FHIT: variants seen among roughly 807,000 people sequenced by gnomAD.
FHIT encodes fragile histidine triad diadenosine triphosphatase.
A neutral mutation model predicts 17.9 loss-of-function variants in FHIT; 19 were observed. That is an observed-to-expected ratio of 1.06 (90% CI 0.74 to 1.56). FHIT has a LOEUF of 1.56. FHIT is among the 40% of genes most tolerant of loss of function. The pLI is 0.00. For missense variants in FHIT, 248 were observed against 189.2 expected (o/e 1.31, Z -1.82); for synonymous variants, 81 against 69.7 (o/e 1.16, Z -0.81).
intron 2 of FHIT, among the ~76,000 whole-genome samples, chr3:61,193,626 A>G (rs2038776867): frequency 6.6e-6 from 1 of 152,252 alleles, no homozygotes; most frequent in South Asian, 2.1e-4. Flanking sequence ...CCAGTTATGC[A>G]TGTATGCATG....
chr3:60,807,164 T>G (rs1553734537), intron 4 of FHIT, among the ~76,000 whole-genome samples: 3 of 152,200 alleles, frequency 2.0e-5, no homozygotes, highest in African/African-American at 7.2e-5. Flanking sequence ...TTTATTCATC[T>G]AGAAGTTGTA....
intron 5 of FHIT, among the ~76,000 whole-genome samples, chr3:60,214,028 T>A (rs1014223793): frequency 3.9e-5 from 6 of 152,210 alleles, no homozygotes; most frequent in South Asian, 2.1e-4. Context: ...TGCAGAATAA[T>A]CTCATGTAAT....
At chr3:61,038,082 T>C (rs1284376128) in intron 3 of FHIT, among the ~76,000 whole-genome samples, 1 of 152,222 alleles carries the variant, frequency 6.6e-6, no homozygotes, top group African/African-American at 2.4e-5. Context: ...ACATAATTGA[T>C]TTAAGTAACA....
chr3:60,209,599 A>G (rs1703356870), intron 5 of FHIT, among the ~76,000 whole-genome samples: 1 of 152,142 alleles, frequency 6.6e-6, no homozygotes, highest in Non-Finnish European at 1.5e-5. Flanking sequence ...TTGTTTAGGA[A>G]AGTTGTGTGA....
At chr3:60,291,782 G>C (rs945353579) in intron 5 of FHIT, among the ~76,000 whole-genome samples, 1 of 152,080 alleles carries the variant, frequency 6.6e-6, no homozygotes, top group Non-Finnish European at 1.5e-5. Context: ...AGGACTGGGA[G>C]ATTTGGGCAC....
At position 60,334,653 on chromosome 3, in the gene FHIT, T is replaced by A. The variant is rs556237281; in HGVS notation, c.103+202207A>T. On this transcript the variant is annotated intron_variant, in intron 5 of 9. Coordinates refer to ENST00000492590, the MANE Select transcript of FHIT (RefSeq NM_002012.4). Reference sequence around the variant, plus strand: ...ATACAAAATATTAGCCAGGTGGGGTTGTGTGTGCCTGTAATCCCAGCTACA... The same window carrying A: ...ATACAAAATATTAGCCAGGTGGGGTAGTGTGTGCCTGTAATCCCAGCTACA... Among the ~76,000 whole-genome samples the A allele has an allele frequency of 3.3e-5, 5 of 152,200 alleles. No individual in the cohort carries two copies. In the East Asian group the frequency reaches 9.7e-4, roughly 30 times the overall value.
chr3:61,075,306 G>C (rs962270650), intron 2 of FHIT, among the ~76,000 whole-genome samples: 4 of 151,960 alleles, frequency 2.6e-5, no homozygotes, highest in African/African-American at 9.7e-5. Context: ...GGTGGCAGGG[G>C]GGAGTACTAT....
chr3:60,651,645 G>A (rs961441703), intron 4 of FHIT, among the ~76,000 whole-genome samples: 1 of 152,032 alleles, frequency 6.6e-6, no homozygotes, highest in African/African-American at 2.4e-5. Context: ...TGATCAGTTG[G>A]AGGCTGTAGA....
At chr3:60,641,487 T>C (rs549288682) in intron 4 of FHIT, among the ~76,000 whole-genome samples, 10 of 152,254 alleles carry the variant, frequency 6.6e-5, no homozygotes, top group African/African-American at 2.4e-4. Flanking sequence ...AGAATTTGCA[T>C]GGCAAGAATT....
At chr3:60,315,175 A>T (rs900040349) in intron 5 of FHIT, among the ~76,000 whole-genome samples, 7 of 152,158 alleles carry the variant, frequency 4.6e-5, no homozygotes, top group African/African-American at 7.2e-5. Flanking sequence ...AATGAACTGC[A>T]GTAAGCTATT....
chr3:61,103,536 T>G (rs564433697), intron 2 of FHIT, among the ~76,000 whole-genome samples: 1 of 152,300 alleles, frequency 6.6e-6, no homozygotes, highest in South Asian at 2.1e-4. Flanking sequence ...TTCTGTTGAT[T>G]TGGAGTGGAG....
At chr3:60,690,587 C>T in intron 4 of FHIT, 2 of 540,246 alleles carry the variant, frequency 3.7e-6, no homozygotes, top group East Asian at 4.9e-5. Flanking sequence ...TAATCAAATC[C>T]TTTTTCTCCA....
intron 8 of FHIT, among the ~76,000 whole-genome samples, chr3:59,868,373 G>T (rs1278959825): frequency 1.3e-5 from 2 of 152,136 alleles, no homozygotes; most frequent in African/African-American, 4.8e-5. Context: ...GACTGTCAGT[G>T]TATGTCAAAA....
chr3:60,437,320 T>C (rs1370831606), intron 5 of FHIT, among the ~76,000 whole-genome samples: 1 of 152,072 alleles, frequency 6.6e-6, no homozygotes, highest in African/African-American at 2.4e-5. Context: ...AAGGGAGTGA[T>C]TATACAATAC....
chr3:60,860,458 GTACATA>G (rs1559779167), intron 3 of FHIT, among the ~76,000 whole-genome samples: 10 of 118,266 alleles, frequency 8.5e-5, no homozygotes, highest in Non-Finnish European at 1.3e-4. Flanking sequence ...TGATACATAT[GTACATA>G]TATATGTATA....
At chr3:60,946,274 G>T (rs1190144999) in intron 3 of FHIT, among the ~76,000 whole-genome samples, 1 of 152,152 alleles carries the variant, frequency 6.6e-6, no homozygotes, top group Non-Finnish European at 1.5e-5. Context: ...GGGATGCTGT[G>T]AAACATACTT....
chr3:60,302,398 C>T (rs867067726), intron 5 of FHIT, among the ~76,000 whole-genome samples: 11 of 152,012 alleles, frequency 7.2e-5, no homozygotes, highest in Non-Finnish European at 1.3e-4. Flanking sequence ...ATAATTTCTC[C>T]TATCTTAGGG....
intron 5 of FHIT, among the ~76,000 whole-genome samples, chr3:60,311,953 A>G (rs541106934): frequency 3.2e-4 from 48 of 152,308 alleles, no homozygotes; most frequent in African/African-American, 1.1e-3. Flanking sequence ...TGCCTAAGGT[A>G]ATACAGTATA....
At chr3:60,335,158 A>T (rs1710173524) in intron 5 of FHIT, among the ~76,000 whole-genome samples, 3 of 152,330 alleles carry the variant, frequency 2.0e-5, no homozygotes, top group African/African-American at 7.2e-5. Flanking sequence ...TAAAGGAAAA[A>T]ATAAAGTAGT....
Sources: allele counts gnomAD v4.1 joint callset (sites outside exome capture counted in the v4.1 genomes callset), GRCh38; gene constraint gnomAD v4.1.1; transcripts MANE v1.5; gene names NCBI Gene and HGNC (gene_info 2026-07-23, HGNC 2026-07-21).